The following OPCML variants were observed in gnomAD, a reference collection of about 807,000 sequenced individuals.
The protein encoded by OPCML is opioid binding protein/cell adhesion molecule like.
OPCML carries 13 observed loss-of-function variants against 37.8 expected under a neutral mutation model. That is an observed-to-expected ratio of 0.34 (90% CI 0.22 to 0.55). The LOEUF is 0.55. OPCML is among the 20% of genes least tolerant of loss of function. OPCML has a pLI of 0.91. For synonymous variants in OPCML, 176 were observed against 168.8 expected (o/e 1.04, Z -0.33); for missense variants, 341 against 435.6 (o/e 0.78, Z 1.93).
In OPCML at chr11:132,601,284, T is replaced by C. The variant is rs542715147; in HGVS notation, c.379+55803A>G. On this transcript the variant is annotated intron_variant, in intron 3 of 7. Coordinates refer to ENST00000524381, the MANE Select transcript of OPCML (RefSeq NM_001012393.5). The stretch of plus-strand genomic sequence containing the variant: ...ACCTATCCCTGCCTCCCAGAGCTCT[T>C]ATTCTGCTCCAGGACTGTATAGAGC... 7.9e-5 allele frequency among the ~76,000 whole-genome samples: 12 copies of C among 152,184 alleles called. No homozygotes were observed. The South Asian group carries it at 2.5e-3, about 32-fold the overall frequency.
chr11:132,878,208 C>T (rs1028573355), intron 2 of OPCML, among the ~76,000 whole-genome samples: 6 of 151,700 alleles, frequency 4.0e-5, no homozygotes, highest in East Asian at 1.9e-4. Flanking sequence ...TATTGGCTGG[C>T]GGTAGTTCTC....
intron 1 of OPCML, among the ~76,000 whole-genome samples, chr11:133,242,826 G>T (rs1185771836): frequency 6.6e-6 from 1 of 152,168 alleles, no homozygotes. Flanking sequence ...GTGCAGCTGA[G>T]GGGCTGGCTG....
intron 1 of OPCML, among the ~76,000 whole-genome samples, chr11:132,946,473 C>T (rs535693509): frequency 1.6e-3 from 245 of 152,142 alleles, no homozygotes; most frequent in African/African-American, 5.7e-3. Flanking sequence ...GGTTTGTTTA[C>T]ACCAGCATCA....
intron 1 of OPCML, among the ~76,000 whole-genome samples, chr11:133,113,797 C>T (rs1441908557): frequency 1.3e-5 from 2 of 152,228 alleles, no homozygotes; most frequent in Non-Finnish European, 2.9e-5. Context: ...GTGAATAAGG[C>T]TGCTCACTTT....
At chr11:132,717,278 C>T (rs1176640097) in intron 2 of OPCML, among the ~76,000 whole-genome samples, 1 of 151,786 alleles carries the variant, frequency 6.6e-6, no homozygotes, top group African/African-American at 2.4e-5. Context: ...GAGATAATAC[C>T]AGAATTTTTT....
At chr11:133,204,882 A>ATATATATATATGTGTG (rs1938980735) in intron 1 of OPCML, among the ~76,000 whole-genome samples, 1 of 30,218 alleles carries the variant, frequency 3.3e-5, no homozygotes, top group African/African-American at 1.3e-4. Context: ...ATATATATAT[A>ATATATATATATGTGTG]TATATATATA....
rs149483799 is a variant in OPCML, at chr11:132,875,418, C to T, written c.146+67508G>A. Among the ~76,000 whole-genome samples, 193 of 151,698 alleles carry T rather than the reference C, an allele frequency of 1.3e-3. 1 individual carries two copies. Among genetic ancestry groups the T allele is most frequent in the African/African-American group, 4.6e-3 (189 of 41,350 alleles). On this transcript the variant is annotated intron_variant, in intron 2 of 7. Coordinates refer to ENST00000524381, the MANE Select transcript of OPCML (RefSeq NM_001012393.5). ...ATATGGTAGCTTTCATTCATTTACCCGTTCATCCATGTATCCATCCATCTG... is the reference window on the plus strand; with the variant it reads ...ATATGGTAGCTTTCATTCATTTACCTGTTCATCCATGTATCCATCCATCTG...
intron 3 of OPCML, among the ~76,000 whole-genome samples, chr11:132,529,623 C>A (rs771389470): frequency 1.3e-5 from 2 of 152,214 alleles, no homozygotes; most frequent in Non-Finnish European, 2.9e-5. Flanking sequence ...ATGCTGATAA[C>A]GCTGAGTTAG....
intron 1 of OPCML, among the ~76,000 whole-genome samples, chr11:133,103,579 G>A (rs576327720): frequency 6.6e-6 from 1 of 152,318 alleles, no homozygotes; most frequent in Admixed American, 6.5e-5. Flanking sequence ...TTCATACAAT[G>A]GAACATAATT....
chr11:132,829,935 T>A (rs1940587534), intron 2 of OPCML, among the ~76,000 whole-genome samples: 1 of 152,216 alleles, frequency 6.6e-6, no homozygotes, highest in South Asian at 2.1e-4. Flanking sequence ...TACTTTTTAA[T>A]ATTGTGTATT....
At chr11:132,632,836 G>A (rs1940238281) in intron 3 of OPCML, among the ~76,000 whole-genome samples, 1 of 151,670 alleles carries the variant, frequency 6.6e-6, no homozygotes, top group African/African-American at 2.4e-5. Context: ...CCTTCCAACT[G>A]TTCAGATGGG....
intron 3 of OPCML, among the ~76,000 whole-genome samples, chr11:132,650,315 G>A (rs370142249): frequency 1.8e-4 from 27 of 152,252 alleles, no homozygotes; most frequent in Middle Eastern, 3.4e-3. Flanking sequence ...TTGTGCCATC[G>A]GCGGGTGAAA....
intron 1 of OPCML, among the ~76,000 whole-genome samples, chr11:132,966,768 T>A (rs888632151): frequency 6.6e-6 from 1 of 152,136 alleles, no homozygotes; most frequent in Non-Finnish European, 1.5e-5. Context: ...TTTTGTATAT[T>A]CCTGATGGAT....
At chr11:133,459,053 GA>G (rs1946796887) in intron 1 of OPCML, among the ~76,000 whole-genome samples, 1 of 152,022 alleles carries the variant, frequency 6.6e-6, no homozygotes, top group African/African-American at 2.4e-5. Flanking sequence ...AATGTATAAA[GA>G]TGTAATTTGT....
At chr11:133,404,674 G>A (rs577364529) in intron 1 of OPCML, among the ~76,000 whole-genome samples, 7 of 152,318 alleles carry the variant, frequency 4.6e-5, no homozygotes, top group African/African-American at 4.8e-5. Flanking sequence ...CAAGTATCAC[G>A]GGAGACCAGA....
intron 2 of OPCML, among the ~76,000 whole-genome samples, chr11:132,857,018 C>T (rs2136346241): frequency 6.6e-6 from 1 of 152,208 alleles, no homozygotes; most frequent in South Asian, 2.1e-4. Flanking sequence ...AATTTTTTTT[C>T]TCTGGGGAGG....
intron 1 of OPCML, among the ~76,000 whole-genome samples, chr11:132,948,192 A>T (rs1484610015): frequency 6.6e-6 from 1 of 152,224 alleles, no homozygotes; most frequent in African/African-American, 2.4e-5. Context: ...CTGCCTTGAA[A>T]GATGAGTTTA....
At chr11:132,547,513 C>G (rs111756417) in intron 3 of OPCML, among the ~76,000 whole-genome samples, 1 of 152,106 alleles carries the variant, frequency 6.6e-6, no homozygotes. Flanking sequence ...GAAAAGTGAA[C>G]AGCCAGGTTC....
At chr11:133,086,480 AT>A (rs1007399100) in intron 1 of OPCML, among the ~76,000 whole-genome samples, 2 of 152,326 alleles carry the variant, frequency 1.3e-5, no homozygotes, top group South Asian at 2.1e-4. Flanking sequence ...TGTCTGATAA[AT>A]GTCCTCCTCT....
Sources: gnomAD v4.1 joint callset for allele counts (sites outside exome capture counted in the v4.1 genomes callset) on GRCh38, gnomAD v4.1.1 for gene constraint, MANE v1.5 for transcripts, NCBI Gene and HGNC (gene_info 2026-07-23, HGNC 2026-07-21) for gene names.